TENM3: variants seen among roughly 807,000 people sequenced by gnomAD.
TENM3 encodes the protein teneurin-3.
TENM3 carries 63 observed loss-of-function variants against 255.1 expected under a neutral mutation model. That is an observed-to-expected ratio of 0.25 (90% confidence interval 0.20 to 0.30). The LOEUF (loss-of-function observed/expected upper bound fraction) is 0.30. Ranked by LOEUF, TENM3 falls within the 10% of genes least tolerant of loss-of-function variation. The pLI is 1.00. For synonymous variants in TENM3, 1,306 were observed against 1,322.3 expected (o/e 0.99, Z 0.27); for missense variants, 2,929 against 3,461.1 (o/e 0.85, Z 3.86).
Position 182,335,494 on chromosome 4 carries a change from C to CAGAAA in TENM3, c.233-11156_233-11155insGAAAA, listed in dbSNP as rs1554051180. Among the ~76,000 whole-genome samples the CAGAAA allele has an allele frequency of 2.3e-3, 120 of 52,406 alleles. 5 individuals carry two copies. The highest frequency in any genetic ancestry group is 7.9e-3 in the African/African-American group (115 of 14,594). 34.4% of individuals were successfully genotyped at this position (52,406 alleles called of 152,430 possible). A position where few individuals can be genotyped will look rare whatever the true frequency, so the allele number is the denominator to read the frequency against. On this transcript the variant is annotated intron_variant, in intron 2 of 27. Transcript: ENST00000511685. ...TGGGCGACAGAGCGAGACTCCGCCT[C>CAGAAA]AAAAAAAAAAAAAAAAAAAAAAAAA...
intron 12 of TENM3, among the ~76,000 whole-genome samples, chr4:182,699,083 T>C (rs1757649600): frequency 6.6e-6 from 1 of 152,250 alleles, no homozygotes; most frequent in African/African-American, 2.4e-5. Context: ...GGTCATATGA[T>C]AAATGAATTC....
chr4:182,109,222 A>C, the TENM3 span, among the ~76,000 whole-genome samples: 1 of 136,532 alleles, frequency 7.3e-6, no homozygotes, highest in Non-Finnish European at 1.6e-5. Context: ...TATATATATT[A>C]TCATTTATAA....
chr4:181,489,219 T>C, the TENM3 span, among the ~76,000 whole-genome samples: 737 of 152,320 alleles, frequency 4.8e-3, 4 homozygotes, highest in Admixed American at 0.011. Context: ...GTTTTAGGAC[T>C]TCACTGTCTC....
intron 2 of TENM3, among the ~76,000 whole-genome samples, chr4:182,331,069 A>T (rs1763719098): frequency 2.0e-5 from 3 of 152,248 alleles, no homozygotes. Flanking sequence ...AATCATTAAT[A>T]CAATGAAAAG....
chr4:181,849,949 T>TCTCTCTCTCTCTCTCACACA, the TENM3 span, among the ~76,000 whole-genome samples: 24 of 65,962 alleles, frequency 3.6e-4, no homozygotes, highest in East Asian at 2.2e-3. Context: ...TCTCTCTCTC[T>TCTCTCTCTCTCTCTCACACA]CACACACACA....
At chr4:182,526,774 G>T (rs962109960) in intron 3 of TENM3, among the ~76,000 whole-genome samples, 8 of 152,162 alleles carry the variant, frequency 5.3e-5, no homozygotes, top group African/African-American at 1.9e-4. Context: ...GATTTAGCAT[G>T]GTAGTACATC....
the TENM3 span, among the ~76,000 whole-genome samples, chr4:182,111,189 C>CTTTTTTTTTTTTTTT: frequency 2.5e-5 from 2 of 80,524 alleles, no homozygotes; most frequent in Non-Finnish European, 2.2e-5. Context: ...GTCTTCTTCT[C>CTTTTTTTTTTTTTTT]TTTTTTTTTT....
At chr4:182,619,034 T>G (rs1345068482) in intron 4 of TENM3, among the ~76,000 whole-genome samples, 2 of 152,008 alleles carry the variant, frequency 1.3e-5, no homozygotes, top group African/African-American at 4.8e-5. Context: ...TACTCAACAG[T>G]GACCTAGAAG....
At chr4:182,441,143 A>C (rs956009744) in intron 3 of TENM3, among the ~76,000 whole-genome samples, 2 of 152,144 alleles carry the variant, frequency 1.3e-5, no homozygotes, top group African/African-American at 4.8e-5. Context: ...GGTATCACAA[A>C]ATTAGATCAT....
chr4:181,715,629 G>A, the TENM3 span, among the ~76,000 whole-genome samples: 1 of 152,070 alleles, frequency 6.6e-6, no homozygotes, highest in Non-Finnish European at 1.5e-5. Flanking sequence ...ATCTGTATTG[G>A]GTATGCAGTG....
At chr4:181,496,176 G>GA in the TENM3 span, among the ~76,000 whole-genome samples, 27,369 of 152,040 alleles carry the variant, frequency 0.18, 2,963 homozygotes, top group Non-Finnish European at 0.24. Context: ...GAGGCCCAAG[G>GA]AAAAAATAAC....
At chr4:182,487,710 C>T (rs1734893893) in intron 3 of TENM3, among the ~76,000 whole-genome samples, 1 of 152,120 alleles carries the variant, frequency 6.6e-6, no homozygotes, top group African/African-American at 2.4e-5. Context: ...TTTCTCTACC[C>T]TCAAGGAGTT....
the TENM3 span, among the ~76,000 whole-genome samples, chr4:182,082,264 A>C: frequency 6.6e-6 from 1 of 152,270 alleles, no homozygotes; most frequent in African/African-American, 2.4e-5. Flanking sequence ...CATGGCAGAA[A>C]GAGCAAGGCA....
rs1740759294 is a variant in TENM3 at position 182,540,473 on chromosome 4, C to T, written c.512-60451C>T. 2.0e-5 allele frequency among the ~76,000 whole-genome samples: 3 copies of T among 152,102 alleles called. No individual in the cohort carries two copies. In the South Asian group the frequency reaches 6.2e-4, roughly 32 times the overall value. ...GCATGGTGGCGCATGCCTGTAACCC[C>T]AGCTACGGGAGGCGGAGGCAGGAGA... On this transcript the variant is annotated intron_variant, in intron 3 of 27. Transcript: ENST00000511685.
chr4:181,477,480 A>T, the TENM3 span, among the ~76,000 whole-genome samples: 20 of 152,244 alleles, frequency 1.3e-4, no homozygotes, highest in East Asian at 3.5e-3. Context: ...TTTTTTTCCT[A>T]ATAAAATATT....
intron 3 of TENM3, among the ~76,000 whole-genome samples, chr4:182,442,907 T>C (rs1163620057): frequency 1.3e-5 from 2 of 151,570 alleles, no homozygotes; most frequent in African/African-American, 4.9e-5. Context: ...TTCTTTTCTG[T>C]AGAGATGTAG....
chr4:182,545,176 G>A (rs562077748), intron 3 of TENM3, among the ~76,000 whole-genome samples: 4 of 152,278 alleles, frequency 2.6e-5, no homozygotes, highest in Non-Finnish European at 4.4e-5. Context: ...AGTCTATCAC[G>A]TGAGTAAAAT....
At chr4:182,237,168 A>C (rs1756946306) in intron 1 of TENM3, among the ~76,000 whole-genome samples, 1 of 152,166 alleles carries the variant, frequency 6.6e-6, no homozygotes, top group Non-Finnish European at 1.5e-5. Context: ...ATGTTCCTGC[A>C]AAGGACATGA....
upstream of TENM3, among the ~76,000 whole-genome samples, chr4:182,238,905 A>T (rs1194694830): frequency 6.6e-6 from 1 of 152,142 alleles, no homozygotes; most frequent in East Asian, 1.9e-4. Context: ...AGAAACAAGC[A>T]AGAGAAAACA....
Sources: gnomAD v4.1 joint callset for allele counts (sites outside exome capture counted in the v4.1 genomes callset) on GRCh38, gnomAD v4.1.1 for gene constraint, MANE v1.5 for transcripts, NCBI Gene and HGNC (gene_info 2026-07-23, HGNC 2026-07-21) for gene names.